The following MYO3B variants were observed in gnomAD, a reference collection of about 807,000 sequenced individuals.
The protein encoded by MYO3B is myosin IIIB.
Under a neutral mutation model 174.6 loss-of-function variants are expected in MYO3B, and 156 were observed. The ratio of observed to expected loss-of-function variants is 0.89; its 90% CI spans 0.78 to 1.02. MYO3B has a LOEUF of 1.02. MYO3B is among the 50% of genes least tolerant of loss of function. The pLI is 0.00. For missense variants in MYO3B, 1,632 were observed against 1,639.4 expected (o/e 1.00, Z 0.08); for synonymous variants, 563 against 569.1 (o/e 0.99, Z 0.15).
rs188939838 is a variant in MYO3B at position 170,245,547 on chromosome 2, C to T, written c.749+9411C>T. Among the ~76,000 whole-genome samples the T allele has an allele frequency of 6.2e-4, 94 of 152,308 alleles. 2 individuals are homozygous for T. Among genetic ancestry groups the T allele is most frequent in the Middle Eastern group, 6.8e-3 (2 of 294 alleles). On this transcript the variant is annotated intron_variant, in intron 7 of 34. Transcript: ENST00000408978. ...TAAACCTGAAGCTGACATTTCAAACCGGGATTCAGATGCCTGGGTTCCGGT... is the reference window on the plus strand; with the variant it reads ...TAAACCTGAAGCTGACATTTCAAACTGGGATTCAGATGCCTGGGTTCCGGT...
chr2:170,497,559 A>C (rs1416406991), intron 25 of MYO3B, among the ~76,000 whole-genome samples: 2 of 152,050 alleles, frequency 1.3e-5, no homozygotes, highest in Non-Finnish European at 2.9e-5. Context: ...CAGAGCTTGC[A>C]GTGAGCTGAG....
chr2:170,298,031 G>T (rs1028454680), intron 7 of MYO3B, among the ~76,000 whole-genome samples: 3 of 152,124 alleles, frequency 2.0e-5, no homozygotes, highest in African/African-American at 7.2e-5. Flanking sequence ...TTTTGATGAA[G>T]ACTTATATAT....
intron 23 of MYO3B, among the ~76,000 whole-genome samples, chr2:170,452,934 G>T (rs1683682450): frequency 6.6e-6 from 1 of 152,184 alleles, no homozygotes. Context: ...CCTTAGCTAT[G>T]GAACTACAAC....
At chr2:170,333,584 T>G (rs2093926796) in intron 7 of MYO3B, among the ~76,000 whole-genome samples, 1 of 152,144 alleles carries the variant, frequency 6.6e-6, no homozygotes, top group Non-Finnish European at 1.5e-5. Flanking sequence ...ATCCAAAAGA[T>G]CATATATAGT....
At chr2:170,570,304 A>C (rs1692354451) in intron 32 of MYO3B, among the ~76,000 whole-genome samples, 1 of 152,214 alleles carries the variant, frequency 6.6e-6, no homozygotes, top group Admixed American at 6.5e-5. Flanking sequence ...GTAAAACATT[A>C]GTTTGAAGAT....
intron 22 of MYO3B, among the ~76,000 whole-genome samples, chr2:170,440,179 G>GT (rs1263478496): frequency 6.6e-6 from 1 of 152,156 alleles, no homozygotes; most frequent in African/African-American, 2.4e-5. Context: ...TCTGTTGTGT[G>GT]TTTATTTCTG....
chr2:170,649,203 A>AAAATAATATATATTATATATT (rs1698729665), intron 32 of MYO3B, among the ~76,000 whole-genome samples: 1 of 56,532 alleles, frequency 1.8e-5, no homozygotes, highest in Non-Finnish European at 2.9e-5. Context: ...TATTATATAT[A>AAAATAATATATATTATATATT]AAATAATATA....
At chr2:170,483,621 C>T (rs575928578) in intron 25 of MYO3B, among the ~76,000 whole-genome samples, 2 of 125,824 alleles carry the variant, frequency 1.6e-5, no homozygotes, top group Non-Finnish European at 3.0e-5. Context: ...CTCCTGACCT[C>T]GTGATCCGCC....
chr2:170,644,668 G>A (rs1698232735), intron 32 of MYO3B: 1 of 152,176 alleles, frequency 6.6e-6, no homozygotes, highest in African/African-American at 2.4e-5. Flanking sequence ...AAAGAGAAAA[G>A]AAAAATTAAA....
At chr2:170,453,959 T>C (rs916254815) in intron 23 of MYO3B, among the ~76,000 whole-genome samples, 3 of 152,188 alleles carry the variant, frequency 2.0e-5, no homozygotes, top group Admixed American at 2.0e-4. Context: ...GTCAGGCCTG[T>C]TGAGCTTTCA....
chr2:170,594,996 C>T (rs1177651074), intron 32 of MYO3B, among the ~76,000 whole-genome samples: 3 of 152,078 alleles, frequency 2.0e-5, no homozygotes, highest in African/African-American at 7.2e-5. Flanking sequence ...AGTGTCGTGC[C>T]CCAGGCTTCT....
chr2:170,607,394 A>G (rs1451490701), intron 32 of MYO3B, among the ~76,000 whole-genome samples: 3 of 152,104 alleles, frequency 2.0e-5, no homozygotes, highest in Non-Finnish European at 4.4e-5. Flanking sequence ...TGTCCTCTTC[A>G]CTCCAGACCC....
At chr2:170,331,342 G>T (rs575905581) in intron 7 of MYO3B, among the ~76,000 whole-genome samples, 2 of 152,152 alleles carry the variant, frequency 1.3e-5, no homozygotes, top group Admixed American at 6.5e-5. Flanking sequence ...AGAAATTCCA[G>T]CTACCAAGTA....
At chr2:170,371,853 A>T (rs1233969443) in intron 9 of MYO3B, among the ~76,000 whole-genome samples, 3 of 134,086 alleles carry the variant, frequency 2.2e-5, no homozygotes, top group Admixed American at 7.5e-5. Flanking sequence ...GTGTAATCCC[A>T]GCACGTTGGG....
At chr2:170,279,825 C>T (rs11900946) in intron 7 of MYO3B, among the ~76,000 whole-genome samples, 56,184 of 151,894 alleles carry the variant, frequency 0.37, 11,120 homozygotes, top group African/African-American at 0.52. Context: ...TATAGTATTC[C>T]GTGGTGTATA....
chr2:170,227,298 G>A (rs13021523), intron 6 of MYO3B, among the ~76,000 whole-genome samples: 3 of 151,860 alleles, frequency 2.0e-5, no homozygotes, highest in East Asian at 1.9e-4. Flanking sequence ...GAGGGGAAGT[G>A]GGGGGGTACA....
intron 30 of MYO3B, among the ~76,000 whole-genome samples, chr2:170,522,640 C>A (rs1421673502): frequency 6.6e-6 from 1 of 152,210 alleles, no homozygotes; most frequent in Non-Finnish European, 1.5e-5. Flanking sequence ...CTCTAGCTCA[C>A]TTCAGTTTGT....
chr2:170,582,849 C>A (rs1575198911), intron 32 of MYO3B, among the ~76,000 whole-genome samples: 1 of 151,810 alleles, frequency 6.6e-6, no homozygotes, highest in Non-Finnish European at 1.5e-5. Context: ...TTTCTCTCTC[C>A]CTCTTCCACA....
intron 7 of MYO3B, among the ~76,000 whole-genome samples, chr2:170,247,741 G>A (rs2093207455): frequency 6.6e-6 from 1 of 152,104 alleles, no homozygotes; most frequent in Admixed American, 6.5e-5. Flanking sequence ...AAGCATGAGG[G>A]GGTCTCTCTT....
Sources: allele counts gnomAD v4.1 joint callset (sites outside exome capture counted in the v4.1 genomes callset), GRCh38; gene constraint gnomAD v4.1.1; transcripts MANE v1.5; gene names NCBI Gene and HGNC (gene_info 2026-07-23, HGNC 2026-07-21).